Variants in SLC25A27 observed in about 807,000 individuals in gnomAD.
SLC25A27 encodes the protein mitochondrial uncoupling protein 4.
SLC25A27 carries 35 observed loss-of-function variants against 49.1 expected under a neutral mutation model. The ratio of observed to expected loss-of-function variants is 0.71; its 90% CI spans 0.54 to 0.95. SLC25A27 has a LOEUF of 0.95. Ranked by LOEUF, SLC25A27 falls within the 40% of genes least tolerant of loss-of-function variation. The pLI, the probability that SLC25A27 is intolerant of heterozygous loss-of-function variation, is 0.00. For missense variants in SLC25A27, 339 were observed against 397.1 expected (o/e 0.85, Z 1.24); for synonymous variants, 144 against 136.9 (o/e 1.05, Z -0.36).
intron 2 of SLC25A27, among the ~76,000 whole-genome samples, chr6:46,656,276 G>A (rs1762976030): frequency 6.6e-6 from 1 of 151,562 alleles, no homozygotes; most frequent in Non-Finnish European, 1.5e-5. Flanking sequence ...TGCCTCCCAG[G>A]TTCAAGCGAT....
At chr6:46,653,780 G>A (rs188057457) in intron 1 of SLC25A27, 1 of 985,176 alleles carries the variant, frequency 1.0e-6, no homozygotes, top group Admixed American at 6.1e-5. Context: ...TGACCTCTTT[G>A]AGTGTAATTC....
intron 5 of SLC25A27, among the ~76,000 whole-genome samples, chr6:46,667,226 C>T (rs116339515): frequency 0.025 from 3,823 of 152,088 alleles, 72 homozygotes; most frequent in Non-Finnish European, 0.035. Flanking sequence ...TTTCTTTCTC[C>T]GTTCCATATT....
intron 1 of SLC25A27, among the ~76,000 whole-genome samples, chr6:46,655,230 A>G (rs1456942589): frequency 6.6e-6 from 1 of 152,194 alleles, no homozygotes; most frequent in Non-Finnish European, 1.5e-5. Flanking sequence ...TATAAACTCC[A>G]TTACATCTTC....
Position 46,653,381 on chromosome 6 carries a change from G to C in SLC25A27, c.106+83G>C, listed in dbSNP as rs1294765630. 4 of 1,483,732 alleles carry C rather than the reference G, an allele frequency of 2.7e-6. No homozygotes were observed. The South Asian group carries it at 4.1e-5, about 15-fold the overall frequency. 91.9% of individuals were successfully genotyped at this position (1,483,732 alleles called of 1,614,324 possible). Reference sequence around the variant, plus strand: ...AGGGTGCGCGGGCGGCTTCGCGCCCGGCAGTGCGCATCGGAGAGGTCGCCC... The same window carrying C: ...AGGGTGCGCGGGCGGCTTCGCGCCCCGCAGTGCGCATCGGAGAGGTCGCCC... On this transcript the variant is annotated intron_variant, in intron 1 of 8. Transcript: ENST00000371347.
chr6:46,669,501 A>G (rs534438929), intron 6 of SLC25A27, among the ~76,000 whole-genome samples: 23 of 152,294 alleles, frequency 1.5e-4, no homozygotes, highest in Admixed American at 9.8e-4. Context: ...AAAACTTCCT[A>G]TGCTATTTAG....
intron 3 of SLC25A27, among the ~76,000 whole-genome samples, chr6:46,661,542 G>A (rs567517951): frequency 6.6e-6 from 1 of 152,206 alleles, no homozygotes; most frequent in Non-Finnish European, 1.5e-5. Context: ...CTATGTTAGC[G>A]CTTTTACAAA....
At position 46,653,269 on chromosome 6, in the gene SLC25A27, C is replaced by G; in HGVS notation, c.77C>G (p.Ser26Cys). Residue 26 changes from serine (S) to cysteine (C), a missense_variant, in exon 1 of 9, where the codon TCC becomes TGC. Coordinates refer to ENST00000371347, the MANE Select transcript of SLC25A27 (RefSeq NM_004277.5). ...RWPRASKFLLSGCAATVAELA... is the reference protein window; with the variant it reads ...RWPRASKFLLCGCAATVAELA... ...CCCCGAGCGAGCAAATTCCTACTGT[C>G]CGGCTGCGCGGCTACCGTGGCCGAG... is the stretch of plus-strand genomic sequence containing the variant. 6.2e-7 allele frequency: 1 copy of G among 1,613,330 alleles called. No homozygotes were observed.
chr6:46,655,463 C>G (rs1762939485), intron 1 of SLC25A27, among the ~76,000 whole-genome samples: 1 of 145,846 alleles, frequency 6.9e-6, no homozygotes, highest in Non-Finnish European at 1.5e-5. Context: ...TAATGACTAA[C>G]AGATATTAAA....
intron 8 of SLC25A27, among the ~76,000 whole-genome samples, chr6:46,674,788 T>C (rs745815761): frequency 6.6e-6 from 1 of 152,146 alleles, no homozygotes; most frequent in Non-Finnish European, 1.5e-5. Flanking sequence ...AAGTAATAAT[T>C]AGAAGGTTAC....
At position 46,664,778 on chromosome 6, in the gene SLC25A27, C is replaced by T. The variant is rs1379731591; in HGVS notation, c.511C>T (p.Arg171Cys). ...RKLEGKPLRF[R>C]GVHHAFAKIL... is the part of the protein sequence containing the mutation. ...TTTAATTATTATTCTCCTTAGATTT[C>T]GTGGTGTACATCATGCATTTGCAAA... Residue 171 changes from arginine to cysteine, a missense_variant, in exon 5 of 9, where the codon CGT becomes TGT. Coordinates refer to ENST00000371347, the MANE Select transcript of SLC25A27 (RefSeq NM_004277.5). The T allele has an allele frequency of 8.3e-6, 13 of 1,572,496 alleles. No individual in the cohort carries two copies. The highest frequency in any genetic ancestry group is 2.3e-5 in the South Asian group (2 of 85,984).
chr6:46,672,703 G>A (rs547799581), intron 8 of SLC25A27, among the ~76,000 whole-genome samples: 1 of 152,050 alleles, frequency 6.6e-6, no homozygotes, highest in Non-Finnish European at 1.5e-5. Context: ...GATAAAATAA[G>A]GTTAGTTTAA....
At chr6:46,666,245 A>G (rs1763322423) in intron 5 of SLC25A27, among the ~76,000 whole-genome samples, 1 of 152,172 alleles carries the variant, frequency 6.6e-6, no homozygotes, top group Non-Finnish European at 1.5e-5. Context: ...GTGTTTCTAT[A>G]GCTATTATTG....
At position 46,662,403 on chromosome 6, in the gene SLC25A27, T is replaced by G. The variant is rs754806576; in HGVS notation, c.411T>G (p.Ala137=). The G allele has an allele frequency of 2.5e-6, 4 of 1,613,826 alleles. No individual in the cohort carries two copies. The Admixed American group carries it at 5.0e-5, about 20-fold the overall frequency. ...AATCAGTCATTGGAGGGATGATGGC[T>G]GGTGTTATTGGCCAGTTTTTAGCCA... The part of the protein sequence containing the change: ...LWKSVIGGMM[A]GVIGQFLANP... Residue 137 remains alanine, a synonymous_variant, in exon 4 of 9, where the codon GCT becomes GCG. Transcript: ENST00000371347.
In SLC25A27 at chr6:46,655,897, C is replaced by G. The variant is rs767795442; in HGVS notation, c.161C>G (p.Ala54Gly). The G allele has an allele frequency of 6.2e-7, 1 of 1,613,796 alleles. No homozygotes were observed. Among genetic ancestry groups the G allele is most frequent in the South Asian group, 1.1e-5 (1 of 91,056 alleles). ...KTRLQMQGEA[A>G]LARLGDGARE... ...CGACTCCAAATGCAAGGAGAAGCAG[C>G]TCTTGCTCGGTTGGGAGACGGTGCA... The change falls in exon 2 of 9, where the codon GCT (alanine) becomes GGT (glycine). Residue 54 changes from alanine (A) to glycine (G), a missense_variant. Transcript: ENST00000371347.
At chr6:46,660,437 C>T (rs1763127538) in intron 3 of SLC25A27, among the ~76,000 whole-genome samples, 1 of 152,114 alleles carries the variant, frequency 6.6e-6, no homozygotes, top group Non-Finnish European at 1.5e-5. Flanking sequence ...CTTTTTGGAG[C>T]ATAAATTACT....
Position 46,658,972 on chromosome 6 carries a change from A to C in SLC25A27, c.309A>C (p.Gly103=). 6.2e-7 allele frequency: 1 copy of C among 1,612,292 alleles called. No homozygotes were observed. Among genetic ancestry groups the C allele is most frequent in the Non-Finnish European group, 8.5e-7 (1 of 1,178,330 alleles). Residue 103 remains glycine (G), a synonymous_variant, in exon 3 of 9, where the codon GGA becomes GGC. Coordinates refer to ENST00000371347, the MANE Select transcript of SLC25A27 (RefSeq NM_004277.5). The part of the protein sequence containing the change: ...PAIYRHVVYS[G]GRMVTYEHLR... ...ATCTTTTTTACCCAGTGTATTCTGG[A>C]GGTCGAATGGTCACATATGAACATC... is the stretch of plus-strand genomic sequence containing the variant.
Position 46,660,230 on chromosome 6 carries a change from C to CTGTGTGTGTG in SLC25A27, c.383+1198_383+1207dup, listed in dbSNP as rs140354056. ...ACCAAACTGTTCTTCACCTCTGTGT[C>CTGTGTGTGTG]TGTGTGTGTGTGTGTGTGTGTGTAT... On this transcript the variant is annotated intron_variant, in intron 3 of 8. Transcript: ENST00000371347. 9.3e-3 allele frequency among the ~76,000 whole-genome samples: 1,367 copies of CTGTGTGTGTG among 147,376 alleles called. 14 individuals carry two copies. Among genetic ancestry groups the CTGTGTGTGTG allele is most frequent in the Admixed American group, 0.017 (250 of 14,800 alleles).
chr6:46,661,576 G>C lies in SLC25A27; in HGVS notation c.384-800G>C, dbSNP rs556142649. 1.4e-4 allele frequency among the ~76,000 whole-genome samples: 21 copies of C among 152,332 alleles called. No individual in the cohort carries two copies. The South Asian group carries it at 4.4e-3, about 32-fold the overall frequency. On this transcript the variant is annotated intron_variant, in intron 3 of 8. Coordinates refer to ENST00000371347, the MANE Select transcript of SLC25A27 (RefSeq NM_004277.5). ...AAGGAACATTTATACAGATATGCTT[G>C]TGTATGCACAAACTGTCAGTCATAA...
At chr6:46,655,531 GTTTGTT>G (rs1762943818) in intron 1 of SLC25A27, among the ~76,000 whole-genome samples, 1 of 98,546 alleles carries the variant, frequency 1.0e-5, no homozygotes, top group Admixed American at 9.5e-5. Flanking sequence ...TATTGTTAAT[GTTTGTT>G]TTTTTTTTTT....
Sources: gnomAD v4.1 joint callset for allele counts (sites outside exome capture counted in the v4.1 genomes callset) on GRCh38, gnomAD v4.1.1 for gene constraint, MANE v1.5 for transcripts, NCBI Gene and HGNC (gene_info 2026-07-23, HGNC 2026-07-21) for gene names.